Variants in DNAH6 observed in about 807,000 individuals in gnomAD.
DNAH6 encodes the protein dynein axonemal heavy chain 6, also known as axonemal beta dynein heavy chain 6.
Under a neutral mutation model 491.4 loss-of-function variants are expected in DNAH6, and 340 were observed. That is an observed-to-expected ratio of 0.69 (90% CI 0.63 to 0.76). DNAH6 has a LOEUF of 0.76. Ranked by LOEUF, DNAH6 falls within the 30% of genes least tolerant of loss-of-function variation. DNAH6 has a pLI of 0.00. For synonymous variants in DNAH6, 1,603 were observed against 1,686.1 expected (o/e 0.95, Z 1.21); for missense variants, 4,443 against 4,972.2 (o/e 0.89, Z 3.20).
chr2:84,745,415 C>T (rs1672871701), intron 63 of DNAH6, among the ~76,000 whole-genome samples, 166 bp downstream of exon 63: 2 of 152,212 alleles, frequency 1.3e-5, no homozygotes. Flanking sequence ...CCTGTAATCC[C>T]AGCACTTTGG....
chr2:84,544,576 T>TA, intron 5 of DNAH6, 76 bp downstream of exon 5: 1 of 816,648 alleles, frequency 1.2e-6, no homozygotes, highest in Non-Finnish European at 1.9e-6. Context: ...GCTGTTGGTA[T>TA]AGACTGTTCT....
At chr2:84,686,808 G>A (rs754694423) in intron 44 of DNAH6, among the ~76,000 whole-genome samples, 1 of 152,162 alleles carries the variant, frequency 6.6e-6, no homozygotes, top group Non-Finnish European at 1.5e-5. Flanking sequence ...CAACAGCAGA[G>A]TGCAGTAGTA....
chr2:84,695,669 T>C (rs1335612696), intron 46 of DNAH6, among the ~76,000 whole-genome samples: 2 of 152,216 alleles, frequency 1.3e-5, no homozygotes, highest in East Asian at 3.9e-4. Flanking sequence ...CATTTTAATG[T>C]ATATCTAGAC....
chr2:84,780,508 T>C (rs1378307791), intron 64 of DNAH6, among the ~76,000 whole-genome samples: 1 of 152,192 alleles, frequency 6.6e-6, no homozygotes, highest in Non-Finnish European at 1.5e-5. Context: ...TTTCTTCATA[T>C]AGCTATGTCA....
At chr2:84,663,031 T>G (rs1691685821) in intron 37 of DNAH6, among the ~76,000 whole-genome samples, 1 of 152,208 alleles carries the variant, frequency 6.6e-6, no homozygotes, top group African/African-American at 2.4e-5. Flanking sequence ...GGGTCCTGAC[T>G]GTTAGAAGGA....
chr2:84,486,588 C>T, the DNAH6 span, among the ~76,000 whole-genome samples: 1 of 152,170 alleles, frequency 6.6e-6, no homozygotes, highest in Admixed American at 6.5e-5. Flanking sequence ...GAAAAGGCCT[C>T]CAAAGGCAAG....
chr2:84,556,647 G>A (rs1454585746), intron 10 of DNAH6, among the ~76,000 whole-genome samples: 1 of 152,086 alleles, frequency 6.6e-6, no homozygotes, highest in Non-Finnish European at 1.5e-5. Flanking sequence ...ATAATATTAT[G>A]TACCAAAAAT....
At chr2:84,617,159 A>G (rs1301418493) in intron 23 of DNAH6, among the ~76,000 whole-genome samples, 177 bp downstream of exon 23, 1 of 152,116 alleles carries the variant, frequency 6.6e-6, no homozygotes, top group Non-Finnish European at 1.5e-5. Flanking sequence ...AGGATAAAAT[A>G]CAATATTCAA....
intron 57 of DNAH6, among the ~76,000 whole-genome samples, chr2:84,714,159 A>C (rs1697312765): frequency 6.6e-6 from 1 of 152,194 alleles, no homozygotes; most frequent in South Asian, 2.1e-4. Flanking sequence ...GACCTCAAGA[A>C]CTTTACTTCT....
the DNAH6 span, among the ~76,000 whole-genome samples, chr2:84,499,378 T>C: frequency 6.6e-6 from 1 of 152,234 alleles, no homozygotes; most frequent in Non-Finnish European, 1.5e-5. Context: ...TGGATCTCAT[T>C]CTTTTTATGG....
intron 14 of DNAH6, among the ~76,000 whole-genome samples, chr2:84,580,347 C>T (rs973400434): frequency 1.7e-5 from 2 of 115,970 alleles, no homozygotes; most frequent in African/African-American, 5.8e-5. Flanking sequence ...CACACACACA[C>T]ACACTCCTTT....
At position 84,705,742 on chromosome 2, in the gene DNAH6, G is replaced by A. The variant is rs17025503; in HGVS notation, c.8722G>A (p.Ala2908Thr). Residue 2908 changes from alanine to threonine, a missense_variant, in exon 52 of 77, where the codon GCA becomes ACA. Physicochemically the swap from Ala to Thr is moderately conservative, Grantham distance 58 (BLOSUM62 0). This residue lies in a region of DNAH6 where 1,463 missense variants were observed against 1,656.6 expected (regional missense o/e 0.88). Transcript: ENST00000389394. ...VEPKRQKLRAAQAELDITMAT... is the reference protein window; with the variant it reads ...VEPKRQKLRATQAELDITMAT... ...ACCAAAAAGACAAAAGCTCCGCGCC[G>A]CACAGGTACATTTTCTGTATTGTGA... The A allele has an allele frequency of 4.1e-3, 6,294 of 1,543,250 alleles. 242 individuals carry two copies. In the African/African-American group the frequency reaches 0.078, roughly 19 times the overall value.
At chr2:84,530,538 A>G (rs1677068427) in intron 4 of DNAH6, among the ~76,000 whole-genome samples, 1 of 152,200 alleles carries the variant, frequency 6.6e-6, no homozygotes, top group Non-Finnish European at 1.5e-5. Context: ...TGGCTACAAC[A>G]ATGGAGAACC....
At position 84,552,571 on chromosome 2, in the gene DNAH6, T is replaced by C. The variant is rs529512870; in HGVS notation, c.1486-347T>C. 2.0e-5 allele frequency among the ~76,000 whole-genome samples: 3 copies of C among 152,334 alleles called. No individual in the cohort carries two copies. In the South Asian group the frequency reaches 6.2e-4, roughly 32 times the overall value. On this transcript the variant is annotated intron_variant, in intron 9 of 76. Coordinates refer to ENST00000389394, the MANE Select transcript of DNAH6 (RefSeq NM_001370.2). The stretch of plus-strand genomic sequence containing the variant: ...ATTTCTATGTAAAGATTCATTAATA[T>C]ATTATTGGCATATATTCCTATTAAG...
intron 2 of DNAH6, among the ~76,000 whole-genome samples, chr2:84,522,588 G>C (rs1676254430): frequency 6.6e-6 from 1 of 151,982 alleles, no homozygotes. Flanking sequence ...TTTAACAATT[G>C]AGTGTGATGT....
intron 63 of DNAH6, among the ~76,000 whole-genome samples, chr2:84,758,365 CTA>C (rs1674246447): frequency 1.3e-5 from 2 of 152,022 alleles, no homozygotes; most frequent in African/African-American, 4.8e-5. Context: ...GAAATAAAAA[CTA>C]TAAAAGAAGT....
intron 16 of DNAH6, among the ~76,000 whole-genome samples, chr2:84,593,575 T>G (rs1573141327): frequency 6.6e-6 from 1 of 152,164 alleles, no homozygotes; most frequent in Non-Finnish European, 1.5e-5. Flanking sequence ...GTCATCTCCC[T>G]CTTCTGCCCT....
At chr2:84,505,542 G>A in the DNAH6 span, among the ~76,000 whole-genome samples, 1 of 151,942 alleles carries the variant, frequency 6.6e-6, no homozygotes, top group African/African-American at 2.4e-5. Flanking sequence ...TTTGTTTAAT[G>A]TTTTTATTTT....
chr2:84,728,508 A>G (rs955930738), intron 61 of DNAH6, among the ~76,000 whole-genome samples: 5 of 152,212 alleles, frequency 3.3e-5, no homozygotes, highest in African/African-American at 7.2e-5. Flanking sequence ...ACCTATAGAA[A>G]AGGAATGTTG....
Sources: allele counts gnomAD v4.1 joint callset (sites outside exome capture counted in the v4.1 genomes callset), GRCh38; gene constraint gnomAD v4.1.1; regional missense constraint gnomAD v4.1.1; transcripts MANE v1.5; gene names NCBI Gene and HGNC (gene_info 2026-07-23, HGNC 2026-07-21).